Variants in OR1C1 observed in about 807,000 individuals in gnomAD.
OR1C1 encodes olfactory receptor family 1 subfamily C member 1.
For missense variants in OR1C1, 407 were observed against 384.3 expected, an observed-to-expected ratio of 1.06 and a Z score of -0.49; for synonymous variants, 153 against 154.6, an observed-to-expected ratio of 0.99 and a Z score of 0.08.
intron 1 of OR1C1, among the ~76,000 whole-genome samples, chr1:247,759,139 T>C (rs1392131190): frequency 6.6e-6 from 1 of 152,216 alleles, no homozygotes; most frequent in Non-Finnish European, 1.5e-5. Flanking sequence ...TAGAGTGTCT[T>C]ACTTCTTGAC....
Position 247,757,882 on chromosome 1 carries a change from A to G in OR1C1, c.525T>C (p.His175=), listed in dbSNP as rs1256179136. 1.9e-6 allele frequency: 3 copies of G among 1,613,948 alleles called. No individual in the cohort carries two copies. Among genetic ancestry groups the G allele is most frequent in the East Asian group, 4.5e-5 (2 of 44,886 alleles). ...GAGGATTGAGATCACAGAAGAAATG[A>G]TGGATGATATTGGAGGCACAGAAGG... ...QLSFCASNII[H]HFFCDLNPLL... is the part of the protein sequence containing the mutation. Residue 175 remains histidine, a synonymous_variant, in exon 2 of 2, where the codon CAT becomes CAC. Coordinates refer to ENST00000641256, the MANE Select transcript of OR1C1 (RefSeq NM_012353.3).
intron 1 of OR1C1, among the ~76,000 whole-genome samples, chr1:247,758,879 C>T (rs1039200848): frequency 6.6e-6 from 1 of 151,952 alleles, no homozygotes; most frequent in Non-Finnish European, 1.5e-5. Context: ...GGAAGATATC[C>T]TCATGTTAGC....
At position 247,758,018 on chromosome 1, in the gene OR1C1, A is replaced by C; in HGVS notation, c.389T>G (p.Leu130Ter). 1 of 1,614,096 alleles carries C rather than the reference A, an allele frequency of 6.2e-7. No individual in the cohort carries two copies. Among genetic ancestry groups the C allele is most frequent in the East Asian group, 2.2e-5 (1 of 44,866 alleles). Residue 130 changes from leucine to a stop codon, truncating the protein, a stop_gained, in exon 2 of 2, where the codon TTA (leucine) becomes TGA (stop). Transcript: ENST00000641256. LOFTEE classifies it low-confidence loss of function (END_TRUNC). ...YDRYVAICHP[L>*]HYTARMNLCL... ...CAGGTTCATTCTGGCGGTGTAATGT[A>C]AGGGGTGGCAAATCGCCACATATCT...
chr1:247,758,408 T>C lies in OR1C1; in HGVS notation c.-2A>G, dbSNP rs1356390124. The C allele has an allele frequency of 1.3e-6, 2 of 1,568,944 alleles. No homozygotes were observed. Among genetic ancestry groups the C allele is most frequent in the Non-Finnish European group, 1.7e-6 (2 of 1,144,510 alleles). ...AACTGTTAGATTTCTTTTTTCCATA[T>C]TCCCAACAAATCTAGAAAAATAAGT... On this transcript the variant is annotated 5_prime_UTR_variant, in exon 2 of 2. Transcript: ENST00000641256.
In OR1C1 at chr1:247,760,129, A is replaced by C. The variant is rs373303106; in HGVS notation, c.-14+283T>G. On this transcript the variant is annotated intron_variant, in intron 1 of 1. Coordinates refer to ENST00000641256, the MANE Select transcript of OR1C1 (RefSeq NM_012353.3). The stretch of plus-strand genomic sequence containing the variant: ...CACGTAGTTTGCACAGAGTTGGTGC[A>C]AAAGAGTGCTTATGGAAACAACAAA... 7.9e-5 allele frequency among the ~76,000 whole-genome samples: 12 copies of C among 152,362 alleles called. No homozygotes were observed. In the East Asian group the frequency reaches 1.2e-3, roughly 15 times the overall value.
At chr1:247,759,696 G>A (rs1024652649) in intron 1 of OR1C1, among the ~76,000 whole-genome samples, 6 of 152,134 alleles carry the variant, frequency 3.9e-5, no homozygotes, top group Non-Finnish European at 7.3e-5. Context: ...ACACAATGCA[G>A]TGTATTTGTT....
At chr1:247,760,166 T>C (rs2103236853) in intron 1 of OR1C1, among the ~76,000 whole-genome samples, 1 of 152,250 alleles carries the variant, frequency 6.6e-6, no homozygotes, top group Non-Finnish European at 1.5e-5. Context: ...GAATGAAAAA[T>C]TCTGGAGAAA....
In OR1C1 at chr1:247,755,269, A is replaced by G. The variant is rs1470787856; in HGVS notation, c.*2193T>C. On this transcript the variant is annotated 3_prime_UTR_variant, in exon 2 of 2. Transcript: ENST00000641256. ...ATTGGTATGCATGATAATCTTTTAG[A>G]TATGACTCCCACAATTGACAAAACT... 1 of 152,154 alleles carries G rather than the reference A, an allele frequency of 6.6e-6. No individual in the cohort carries two copies. The highest frequency in any genetic ancestry group is 6.6e-5 in the Admixed American group (1 of 15,264). 9.4% of individuals were successfully genotyped at this position (152,154 alleles called of 1,614,324 possible).
intron 1 of OR1C1, among the ~76,000 whole-genome samples, chr1:247,759,026 G>T (rs1171440816): frequency 6.6e-6 from 1 of 152,104 alleles, no homozygotes; most frequent in Admixed American, 6.6e-5. Context: ...TGAGAGCCCA[G>T]TGTTTGTGGC....
rs1283899343 is a variant in OR1C1 at position 247,756,820 on chromosome 1, T to C, written c.*642A>G. The C allele has an allele frequency of 6.6e-6, 1 of 152,228 alleles. No homozygotes were observed. The highest frequency in any genetic ancestry group is 1.5e-5 in the Non-Finnish European group (1 of 68,076). 9.4% of individuals were successfully genotyped at this position (152,228 alleles called of 1,614,324 possible). ...TGTATACCCAAAGCACTCCTAGTTGTTGGGGGAGATCAGTTAGCCTCTGCC... is the reference window on the plus strand; with the variant it reads ...TGTATACCCAAAGCACTCCTAGTTGCTGGGGGAGATCAGTTAGCCTCTGCC... On this transcript the variant is annotated 3_prime_UTR_variant, in exon 2 of 2. Transcript: ENST00000641256. The surrounding 1 kb of genome is among the most constrained non-coding windows in gnomAD (Gnocchi z 4.3).
chr1:247,758,835 A>G (rs1293217135), intron 1 of OR1C1, among the ~76,000 whole-genome samples: 1 of 152,084 alleles, frequency 6.6e-6, no homozygotes, highest in East Asian at 1.9e-4. Flanking sequence ...CTAATAAATA[A>G]TTTTCCTCCC....
rs770804644 is a variant in OR1C1 at position 247,757,342 on chromosome 1, A to AT, written c.*119dup. Reference sequence around the variant, plus strand: ...TAATTCATATAAAGTGCTTAACACGATTTCCAGCATAAGGGAGACATTTAA... The same window carrying AT: ...TAATTCATATAAAGTGCTTAACACGATTTTCCAGCATAAGGGAGACATTTAA... On this transcript the variant is annotated 3_prime_UTR_variant, in exon 2 of 2. Transcript: ENST00000641256. The AT allele has an allele frequency of 1.2e-5, 9 of 730,622 alleles. No individual in the cohort carries two copies. Among genetic ancestry groups the AT allele is most frequent in the African/African-American group, 1.7e-5 (1 of 57,152 alleles). The allele number at this position is 730,622 out of a possible 1,614,324, so 45.3% of individuals were successfully genotyped here.
Position 247,757,323 on chromosome 1 carries a change from A to G in OR1C1, c.*139T>C, listed in dbSNP as rs1661227127. ...CTCAGAGGATTTAATGTGATAATTC[A>G]TATAAAGTGCTTAACACGATTTCCA... On this transcript the variant is annotated 3_prime_UTR_variant, in exon 2 of 2. Coordinates refer to ENST00000641256, the MANE Select transcript of OR1C1 (RefSeq NM_012353.3). 1.6e-6 allele frequency: 1 copy of G among 635,492 alleles called. No individual in the cohort carries two copies. The highest frequency in any genetic ancestry group is 1.8e-5 in the African/African-American group (1 of 55,038). 39.4% of individuals were successfully genotyped at this position (635,492 alleles called of 1,614,324 possible).
rs758924749 is a variant in OR1C1 at position 247,757,766 on chromosome 1, A to G, written c.641T>C (p.Ile214Thr). 6.2e-7 allele frequency: 1 copy of G among 1,614,070 alleles called. No individual in the cohort carries two copies. Among genetic ancestry groups the G allele is most frequent in the Non-Finnish European group, 8.5e-7 (1 of 1,179,996 alleles). Residue 214 changes from isoleucine to threonine, a missense_variant, in exon 2 of 2, where the codon ATC becomes ACC. Coordinates refer to ENST00000641256, the MANE Select transcript of OR1C1 (RefSeq NM_012353.3). Reference protein sequence around the residue: ...GLLALTPLVCILVSYGLIFST... With the variant: ...GLLALTPLVCTLVSYGLIFST... ...GAAGATAAGTCCATAAGATACGAGG[A>G]TACAGACAAGGGGCGTGAGAGCCAA...
chr1:247,755,251 T>A lies in OR1C1; in HGVS notation c.*2211A>T, dbSNP rs1049219478. Reference sequence around the variant, plus strand: ...GGGGGAAAGCTCTATGACATTGGTATGCATGATAATCTTTTAGATATGACT... The same window carrying A: ...GGGGGAAAGCTCTATGACATTGGTAAGCATGATAATCTTTTAGATATGACT... On this transcript the variant is annotated 3_prime_UTR_variant, in exon 2 of 2. Transcript: ENST00000641256. The A allele has an allele frequency of 6.6e-6, 1 of 152,146 alleles. No individual in the cohort carries two copies. The highest frequency in any genetic ancestry group is 1.5e-5 in the Non-Finnish European group (1 of 68,018). The allele number at this position is 152,146 out of a possible 1,614,324, so 9.4% of individuals were successfully genotyped here.
At chr1:247,758,568 C>T (rs1409388533) in intron 1 of OR1C1, 149 bp from the exon 2 acceptor site, 2 of 583,940 alleles carry the variant, frequency 3.4e-6, no homozygotes, top group East Asian at 2.8e-5. Context: ...TGAATGCTTT[C>T]CAATGACATC....
rs80109177 is a variant in OR1C1, at chr1:247,757,226, G to T, written c.*236C>A. ...AGAAACTATTTATCAGCTATGGGTT[G>T]TATGCAGACTATTTAACTTCCCTAA... On this transcript the variant is annotated 3_prime_UTR_variant, in exon 2 of 2. Transcript: ENST00000641256. 0.051 allele frequency: 23,567 copies of T among 463,914 alleles called. 814 individuals are homozygous for T. Among genetic ancestry groups the T allele is most frequent in the African/African-American group, 0.11 (5,898 of 51,624 alleles). The allele number at this position is 463,914 out of a possible 1,614,324, so 28.7% of individuals were successfully genotyped here.
chr1:247,757,277 T>C lies in OR1C1; in HGVS notation c.*185A>G, dbSNP rs574691417. 1.6e-5 allele frequency: 9 copies of C among 576,242 alleles called. No individual in the cohort carries two copies. In the South Asian group the frequency reaches 1.8e-4, roughly 12 times the overall value. The allele number at this position is 576,242 out of a possible 1,614,324, so 35.7% of individuals were successfully genotyped here. A position where few individuals can be genotyped will look rare whatever the true frequency, so the allele number is the denominator to read the frequency against. ...GATTCACTTTCTGTATAAAGAATGC[T>C]ATATGGTTTTTATATATTTACTCAG... On this transcript the variant is annotated 3_prime_UTR_variant, in exon 2 of 2. Coordinates refer to ENST00000641256, the MANE Select transcript of OR1C1 (RefSeq NM_012353.3).
intron 1 of OR1C1, among the ~76,000 whole-genome samples, chr1:247,759,665 A>G (rs2103236415): frequency 6.6e-6 from 1 of 152,324 alleles, no homozygotes; most frequent in African/African-American, 2.4e-5. Context: ...TTATGCTAAG[A>G]CAGCTGATTA....
Sources: allele counts gnomAD v4.1 joint callset (sites outside exome capture counted in the v4.1 genomes callset), GRCh38; gene constraint gnomAD v4.1.1; non-coding constraint Gnocchi (gnomAD v3.1); transcripts MANE v1.5; gene names NCBI Gene and HGNC (gene_info 2026-07-23, HGNC 2026-07-21).